The following C3orf22 variants were observed in gnomAD, a reference collection of about 807,000 sequenced individuals.
The protein encoded by C3orf22 is chromosome 3 open reading frame 22, also known as uncharacterized protein C3orf22.
A neutral mutation model predicts 10.8 loss-of-function variants in C3orf22; 7 were observed. The observed-to-expected ratio is 0.65, with a 90% CI of 0.37 to 1.22. C3orf22 has a LOEUF of 1.22. Among genes scored for constraint, C3orf22 ranks in the 50% most tolerant of loss-of-function variants. C3orf22 has a pLI of 0.02. For missense variants in C3orf22, 173 were observed against 177.0 expected (o/e 0.98, Z 0.13); for synonymous variants, 79 against 78.9 (o/e 1.00, Z 0.00).
downstream of C3orf22, among the ~76,000 whole-genome samples, chr3:126,547,901 T>G (rs982058907): frequency 6.6e-6 from 1 of 152,152 alleles, no homozygotes; most frequent in African/African-American, 2.4e-5. Context: ...CATCATGGAA[T>G]GAGAAACAGT....
At chr3:126,555,044 CTG>C (rs1937293956) in intron 1 of C3orf22, among the ~76,000 whole-genome samples, 1 of 152,258 alleles carries the variant, frequency 6.6e-6, no homozygotes, top group South Asian at 2.1e-4. Flanking sequence ...ATTCTAATAA[CTG>C]TGAACGGCTA....
At chr3:126,556,600 G>A (rs527623909) in intron 1 of C3orf22, among the ~76,000 whole-genome samples, 4 of 152,054 alleles carry the variant, frequency 2.6e-5, no homozygotes, top group East Asian at 1.9e-4. Flanking sequence ...CCAAGAAGGC[G>A]GCCGCTAAGC....
chr3:126,541,959 G>T lies in C3orf22; in HGVS notation c.286+7578C>A. On this transcript the variant is annotated intron_variant and NMD_transcript_variant, in intron 4 of 5. Transcript: ENST00000505070. ...AGCGGCCAAGCCCGCGGCGACCCGC[G>T]CGCCATCTCCGCGCAAGAGGCGCAC... 1 of 1,585,278 alleles carries T rather than the reference G, an allele frequency of 6.3e-7. No individual in the cohort carries two copies. Among genetic ancestry groups the T allele is most frequent in the African/African-American group, 1.4e-5 (1 of 72,510 alleles).
intron 5 of C3orf22, chr3:126,529,057 G>T (rs1015999199): frequency 2.8e-6 from 1 of 354,644 alleles, no homozygotes; most frequent in Middle Eastern, 7.6e-4. Context: ...ACCAGAAGCC[G>T]AGTGTCATCA....
At chr3:126,552,210 G>A (rs1937207425) in intron 2 of C3orf22, 88 bp from the exon 3 acceptor site, 2 of 1,589,872 alleles carry the variant, frequency 1.3e-6, no homozygotes, top group Non-Finnish European at 8.6e-7. Flanking sequence ...CCATCTGCTA[G>A]GCACTGTTCT....
At chr3:126,546,714 T>TC (rs148874777), downstream of C3orf22, among the ~76,000 whole-genome samples, 2,135 of 152,078 alleles carry the variant, frequency 0.014, 45 homozygotes, top group African/African-American at 0.049. Context: ...ATTGTTTAAC[T>TC]CCCCCCAGCC....
At chr3:126,542,007 T>G (rs1348118033) in intron 4 of C3orf22, 29 of 1,562,026 alleles carry the variant, frequency 1.9e-5, no homozygotes, top group Non-Finnish European at 2.5e-5. Flanking sequence ...CTGCCCTCAC[T>G]GGCCGACTTC....
At chr3:126,554,586 C>T (rs1194457929) in intron 1 of C3orf22, among the ~76,000 whole-genome samples, 1 of 152,316 alleles carries the variant, frequency 6.6e-6, no homozygotes, top group East Asian at 1.9e-4. Context: ...CATTTTAAAG[C>T]ACCCCAGGTG....
chr3:126,533,476 A>G (rs1487192253), intron 4 of C3orf22, among the ~76,000 whole-genome samples: 2 of 152,144 alleles, frequency 1.3e-5, no homozygotes, highest in African/African-American at 4.8e-5. Context: ...GCATTTATTG[A>G]TGAGCATGTG....
At chr3:126,543,727 TGA>T (rs752524720) in intron 4 of C3orf22, among the ~76,000 whole-genome samples, 163 of 141,012 alleles carry the variant, frequency 1.2e-3, no homozygotes, top group Non-Finnish European at 1.8e-3. Flanking sequence ...CATGTGTGCA[TGA>T]GTGTGTGAGA....
chr3:126,529,250 C>A, exon 5 of C3orf22: 1 of 1,156,890 alleles, frequency 8.6e-7, no homozygotes, highest in Non-Finnish European at 1.2e-6. Context: ...GCAGAGGAGG[C>A]CTTGCAACAT....
chr3:126,556,214 C>T (rs978333305), intron 1 of C3orf22, among the ~76,000 whole-genome samples: 3 of 152,154 alleles, frequency 2.0e-5, no homozygotes, highest in Admixed American at 6.5e-5. Flanking sequence ...AGGCCTTTGA[C>T]TCCCTCCGGC....
chr3:126,541,764 G>C (rs1433634660), intron 4 of C3orf22: 2 of 1,512,396 alleles, frequency 1.3e-6, no homozygotes, highest in Non-Finnish European at 1.8e-6. Context: ...AAGGTGCACC[G>C]GCAGCGGCGC....
intron 4 of C3orf22, chr3:126,542,498 C>A (rs1322678719): frequency 2.5e-6 from 4 of 1,577,166 alleles, no homozygotes; most frequent in East Asian, 2.4e-5. Flanking sequence ...CCCCTTCTAC[C>A]AGCGGCGCCT....
chr3:126,539,418 T>C (rs149366955), intron 4 of C3orf22, among the ~76,000 whole-genome samples: 2 of 151,660 alleles, frequency 1.3e-5, no homozygotes, highest in African/African-American at 4.8e-5. Flanking sequence ...AGTGTGCACA[T>C]GTGTGCAGGA....
At chr3:126,542,323 T>A in intron 4 of C3orf22, 1 of 1,568,466 alleles carries the variant, frequency 6.4e-7, no homozygotes, top group Non-Finnish European at 8.6e-7. Context: ...GCCACCCGTG[T>A]CGCCTCCGCT....
chr3:126,554,140 G>A (rs879794594), intron 1 of C3orf22, among the ~76,000 whole-genome samples: 2 of 151,704 alleles, frequency 1.3e-5, no homozygotes, highest in African/African-American at 2.4e-5. Context: ...TCAGCCTCCC[G>A]AGTAGCTGGG....
chr3:126,547,528 T>G (rs1387869220), downstream of C3orf22, among the ~76,000 whole-genome samples: 1 of 152,180 alleles, frequency 6.6e-6, no homozygotes, highest in Admixed American at 6.5e-5. Context: ...TGACTCTGGA[T>G]TCAGGTAATG....
At position 126,551,989 on chromosome 3, in the gene C3orf22, G is replaced by C. The variant is rs774264075; in HGVS notation, c.215+8C>G. The C allele has an allele frequency of 1.2e-6, 2 of 1,605,092 alleles. No individual in the cohort carries two copies. Among genetic ancestry groups the C allele is most frequent in the South Asian group, 2.2e-5 (2 of 90,522 alleles). ...AGTGGGGGTGGTGGCATCAGGGCAGGGACTTACCCTCGGACTGGGATGGAC... is the reference window on the plus strand; with the variant it reads ...AGTGGGGGTGGTGGCATCAGGGCAGCGACTTACCCTCGGACTGGGATGGAC... On this transcript the variant is annotated splice_region_variant and intron_variant, in intron 3 of 3. Transcript: ENST00000318225.
Sources: gnomAD v4.1 joint callset for allele counts (sites outside exome capture counted in the v4.1 genomes callset) on GRCh38, gnomAD v4.1.1 for gene constraint, MANE v1.5 for transcripts, NCBI Gene and HGNC (gene_info 2026-07-23, HGNC 2026-07-21) for gene names.